The following PHLPP2 variants were observed in gnomAD, a reference collection of about 807,000 sequenced individuals.
PHLPP2 encodes the protein PH domain and leucine rich repeat protein phosphatase 2.
In PHLPP2, 66 loss-of-function variants were observed where a neutral mutation model predicts 124.9. The ratio of observed to expected loss-of-function variants is 0.53; its 90% CI spans 0.43 to 0.65. PHLPP2 has a LOEUF of 0.65. Ranked by LOEUF, PHLPP2 falls within the 30% of genes least tolerant of loss-of-function variation. The pLI is 0.00. For missense variants in PHLPP2, 1,685 were observed against 1,600.4 expected (o/e 1.05, Z -0.90); for synonymous variants, 681 against 624.7 (o/e 1.09, Z -1.34).
In PHLPP2 at chr16:71,714,704, C is replaced by A; in HGVS notation, c.92G>T (p.Gly31Val). 1 of 1,613,980 alleles carries A rather than the reference C, an allele frequency of 6.2e-7. No individual in the cohort carries two copies. Among genetic ancestry groups the A allele is most frequent in the Non-Finnish European group, 8.5e-7 (1 of 1,179,948 alleles). Residue 31 changes from glycine to valine, a missense_variant, in exon 2 of 19, where the codon GGC (glycine) becomes GTC (valine). Transcript: ENST00000568954. ...GTCTGCTCCATAAAGGTAAACACAG[C>A]CTCTCTTTACATCTTCTCTTAGCCA... ...RDWLREDVKR[G>V]CVYLYGADTT...
chr16:71,697,467 A>G (rs2045184464), intron 3 of PHLPP2, among the ~76,000 whole-genome samples: 1 of 152,316 alleles, frequency 6.6e-6, no homozygotes, highest in Middle Eastern at 3.4e-3. Flanking sequence ...TATATGCCCC[A>G]CTACAATTTT....
At position 71,652,794 on chromosome 16, in the gene PHLPP2, G is replaced by T; in HGVS notation, c.2813C>A (p.Thr938Lys). 2 of 1,612,042 alleles carry T rather than the reference G, an allele frequency of 1.2e-6. No homozygotes were observed. The highest frequency in any genetic ancestry group is 1.7e-6 in the Non-Finnish European group (2 of 1,178,096). Residue 938 changes from threonine (T) to lysine (K), a missense_variant, in exon 18 of 19, where the codon ACA becomes AAA. By Grantham distance (78) the Thr-to-Lys change is moderately conservative. Coordinates refer to ENST00000568954, the MANE Select transcript of PHLPP2 (RefSeq NM_015020.3). ...QRVKDQKAII[T>K]EDNKVNGVTC... ...CTGGCGGGGAGCGGAACACACCTCTGTGATGATGGCTTTTTGGTCCTTCAC... is the reference window on the plus strand; with the variant it reads ...CTGGCGGGGAGCGGAACACACCTCTTTGATGATGGCTTTTTGGTCCTTCAC...
chr16:71,680,465 T>C (rs1326053187), intron 6 of PHLPP2, among the ~76,000 whole-genome samples: 1 of 152,216 alleles, frequency 6.6e-6, no homozygotes, highest in African/African-American at 2.4e-5. Context: ...ATCTATATTG[T>C]CTTACCCAGA....
rs377439763 is a variant in PHLPP2, at chr16:71,651,934, T to C, written c.2817+856A>G. 2.0e-4 allele frequency among the ~76,000 whole-genome samples: 30 copies of C among 152,178 alleles called. 2 individuals are homozygous for C. Among genetic ancestry groups the C allele is most frequent in the East Asian group, 1.2e-3 (6 of 5,196 alleles). On this transcript the variant is annotated intron_variant, in intron 18 of 18. Transcript: ENST00000568954. The stretch of plus-strand genomic sequence containing the variant: ...AATGTAAAACACAAAACTAAACTTC[T>C]AGAAGATAACACAGAAGAAAATCTA...
rs2044757408 is a variant in PHLPP2, at chr16:71,658,176, T to A, written c.2279+57A>T. The A allele has an allele frequency of 3.0e-5, 45 of 1,502,572 alleles. 1 individual carries two copies. The South Asian group carries it at 4.7e-4, about 16-fold the overall frequency. The allele number at this position is 1,502,572 out of a possible 1,614,324, so 93.1% of individuals were successfully genotyped here. On this transcript the variant is annotated intron_variant, in intron 15 of 18. Coordinates refer to ENST00000568954, the MANE Select transcript of PHLPP2 (RefSeq NM_015020.3). ...GATCTCCACAGTACTAAGGAAGACCTACACATGGCTGGTGGGCTAAGAGCA... is the reference window on the plus strand; with the variant it reads ...GATCTCCACAGTACTAAGGAAGACCAACACATGGCTGGTGGGCTAAGAGCA...
At chr16:71,655,047 T>G in intron 17 of PHLPP2, 193 bp downstream of exon 17, 2 of 524,004 alleles carry the variant, frequency 3.8e-6, no homozygotes, top group African/African-American at 1.9e-5. Flanking sequence ...AGAAAACAGA[T>G]GACCCCCACA....
intron 12 of PHLPP2, 101 bp downstream of exon 12, chr16:71,667,077 C>G (rs186741120): frequency 1.0e-6 from 1 of 975,036 alleles, no homozygotes; most frequent in Non-Finnish European, 1.5e-6. Flanking sequence ...ATTAGGTAAA[C>G]GCTCTGTAAA....
chr16:71,672,879 C>T (rs1461815563), intron 9 of PHLPP2, among the ~76,000 whole-genome samples: 1 of 152,200 alleles, frequency 6.6e-6, no homozygotes, highest in Non-Finnish European at 1.5e-5. Context: ...TGTATAATTA[C>T]TTTTGCCTAT....
chr16:71,664,656 G>A (rs958634156), intron 12 of PHLPP2, among the ~76,000 whole-genome samples: 4 of 152,162 alleles, frequency 2.6e-5, no homozygotes, highest in African/African-American at 9.7e-5. Context: ...GGAGGCTGAG[G>A]CAGGAGAATT....
rs954112038 is a variant in PHLPP2, at chr16:71,677,107, T to C, written c.1269-458A>G. ...ACTCGCCTCATTTTGCAAGGTACTA[T>C]ATAAATAATTAGTTGATGAATAACT... On this transcript the variant is annotated intron_variant, in intron 8 of 18. Coordinates refer to ENST00000568954, the MANE Select transcript of PHLPP2 (RefSeq NM_015020.3). 133 of 63,602 alleles carry C rather than the reference T, an allele frequency of 2.1e-3. 1 individual carries two copies. Among genetic ancestry groups the C allele is most frequent in the Non-Finnish European group, 2.8e-3 (94 of 33,488 alleles). 3.9% of individuals were successfully genotyped at this position (63,602 alleles called of 1,614,324 possible). A position where few individuals can be genotyped will look rare whatever the true frequency, so the allele number is the denominator to read the frequency against.
At chr16:71,652,262 A>G (rs997805003) in intron 18 of PHLPP2, among the ~76,000 whole-genome samples, 2 of 152,252 alleles carry the variant, frequency 1.3e-5, no homozygotes, top group African/African-American at 4.8e-5. Context: ...GTGATAAACA[A>G]TGTTCACAAG....
chr16:71,704,984 A>G (rs1466916423), intron 2 of PHLPP2, among the ~76,000 whole-genome samples: 1 of 152,168 alleles, frequency 6.6e-6, no homozygotes, highest in African/African-American at 2.4e-5. Flanking sequence ...ATTGGACTTA[A>G]CTCTGTACTG....
chr16:71,682,222 T>G (rs1051324893), intron 5 of PHLPP2, among the ~76,000 whole-genome samples: 3 of 149,764 alleles, frequency 2.0e-5, no homozygotes, highest in South Asian at 4.2e-4. Flanking sequence ...TTTTGGGTTT[T>G]TTTTTTTTTT....
At chr16:71,651,859 C>T (rs1167360176) in intron 18 of PHLPP2, among the ~76,000 whole-genome samples, 1 of 152,194 alleles carries the variant, frequency 6.6e-6, no homozygotes, top group Non-Finnish European at 1.5e-5. Context: ...AATATAGATA[C>T]AGAGCTTACA....
chr16:71,655,251 C>G lies in PHLPP2; in HGVS notation c.2574G>C (p.Leu858Phe). The change falls in exon 17 of 19, where the codon TTG becomes TTC. Residue 858 changes from leucine to phenylalanine, a missense_variant. Physicochemically the swap from Leu to Phe is conservative, Grantham distance 22. Transcript: ENST00000568954. The part of the protein sequence containing the change: ...NDTVFMANTF[L>F]VSHRKLGMAG... ...ACCCACCTGCTTACCTGTGAGATAC[C>G]AAGAAGGTGTTAGCCATGAAAACTG... 6.2e-7 allele frequency: 1 copy of G among 1,610,224 alleles called. No homozygotes were observed. The highest frequency in any genetic ancestry group is 2.2e-5 in the East Asian group (1 of 44,846).
intron 2 of PHLPP2, among the ~76,000 whole-genome samples, chr16:71,709,694 G>A (rs560261410): frequency 6.6e-6 from 1 of 152,204 alleles, no homozygotes; most frequent in African/African-American, 2.4e-5. Context: ...TCACCAGCCA[G>A]CTGCAGGAAT....
chr16:71,690,803 C>A (rs906783223), intron 3 of PHLPP2, 94 bp from the exon 4 acceptor site: 1 of 812,480 alleles, frequency 1.2e-6, no homozygotes, highest in Non-Finnish European at 2.0e-6. Flanking sequence ...CATTCAACAA[C>A]CTTATTTATA....
intron 1 of PHLPP2, among the ~76,000 whole-genome samples, chr16:71,719,811 T>G (rs1043732061): frequency 6.6e-6 from 1 of 152,058 alleles, no homozygotes; most frequent in Non-Finnish European, 1.5e-5. Context: ...TTGTTTGTTT[T>G]TTTGGAGACA....
chr16:71,652,449 A>T (rs1034747521), intron 18 of PHLPP2, among the ~76,000 whole-genome samples: 2 of 152,386 alleles, frequency 1.3e-5, no homozygotes, highest in South Asian at 4.1e-4. Flanking sequence ...GGGGATGTCA[A>T]ACTAGAGAAC....
Sources: gnomAD v4.1 joint callset for allele counts (sites outside exome capture counted in the v4.1 genomes callset) on GRCh38, gnomAD v4.1.1 for gene constraint, MANE v1.5 for transcripts, NCBI Gene and HGNC (gene_info 2026-07-23, HGNC 2026-07-21) for gene names.